The following IMPG1 variants were observed in gnomAD, a reference collection of about 807,000 sequenced individuals.
The protein encoded by IMPG1 is interphotoreceptor matrix proteoglycan 1, also known as interphotoreceptor matrix proteoglycan of 150 kDa.
In IMPG1, 85 loss-of-function variants were observed where a neutral mutation model predicts 92.0. That is an observed-to-expected ratio of 0.92 (90% CI 0.78 to 1.11). The LOEUF (loss-of-function observed/expected upper bound fraction) is 1.11, where lower values mean the gene tolerates loss of function less well. Among genes scored for constraint, IMPG1 ranks in the 50% least tolerant of loss-of-function variants. The pLI is 0.00. For synonymous variants in IMPG1, 367 were observed against 334.1 expected, an observed-to-expected ratio of 1.10 and a Z score of -1.08; for missense variants, 1,022 against 956.0, an observed-to-expected ratio of 1.07 and a Z score of -0.91.
chr6:75,995,885 G>T (rs1163403181), intron 12 of IMPG1, among the ~76,000 whole-genome samples: 1 of 152,220 alleles, frequency 6.6e-6, no homozygotes, highest in Non-Finnish European at 1.5e-5. Context: ...TTGTTTCGGG[G>T]TCTGTTTTGG....
At chr6:76,043,219 C>T (rs944466347) in intron 1 of IMPG1, among the ~76,000 whole-genome samples, 2 of 151,764 alleles carry the variant, frequency 1.3e-5, no homozygotes, top group African/African-American at 2.4e-5. Flanking sequence ...AAAAAATTAC[C>T]GATGAACAGT....
intron 14 of IMPG1, among the ~76,000 whole-genome samples, chr6:75,940,852 C>G (rs573740416): frequency 6.6e-6 from 1 of 152,276 alleles, no homozygotes; most frequent in African/African-American, 2.4e-5. Flanking sequence ...GCATTTTCCT[C>G]TTGCATCTTC....
chr6:75,973,401 C>CTCAT (rs1366897333), intron 12 of IMPG1, among the ~76,000 whole-genome samples: 2 of 152,142 alleles, frequency 1.3e-5, no homozygotes, highest in Non-Finnish European at 2.9e-5. Flanking sequence ...TTTTACTTTG[C>CTCAT]TCATTCATTC....
intron 1 of IMPG1, among the ~76,000 whole-genome samples, chr6:76,067,253 T>A (rs1177626191): frequency 6.6e-6 from 1 of 151,012 alleles, no homozygotes; most frequent in Non-Finnish European, 1.5e-5. Flanking sequence ...TGAAAAGTTG[T>A]TTCTTCAAAA....
intron 12 of IMPG1, among the ~76,000 whole-genome samples, chr6:75,957,217 C>T (rs12197591): frequency 0.19 from 28,921 of 152,002 alleles, 2,881 homozygotes; most frequent in Admixed American, 0.24. Flanking sequence ...TGTGCCCAGC[C>T]GTTGAGTGAG....
chr6:75,923,561 GAC>G, intron 16 of IMPG1, 71 bp downstream of exon 16: 1 of 735,994 alleles, frequency 1.4e-6, no homozygotes, highest in East Asian at 2.6e-5. Flanking sequence ...AAATAAGAGG[GAC>G]ATAAATGTTT....
intron 12 of IMPG1, among the ~76,000 whole-genome samples, chr6:75,971,721 T>A (rs1782420918): frequency 1.3e-5 from 2 of 152,202 alleles, no homozygotes; most frequent in African/African-American, 4.8e-5. Context: ...GCTAACTGAT[T>A]CATAGGGACC....
chr6:75,925,152 G>A (rs1210749774), intron 15 of IMPG1, among the ~76,000 whole-genome samples: 1 of 152,002 alleles, frequency 6.6e-6, no homozygotes, highest in Non-Finnish European at 1.5e-5. Flanking sequence ...TGTTTGAGAT[G>A]ATGGGAATGC....
intron 12 of IMPG1, among the ~76,000 whole-genome samples, chr6:75,962,682 A>C (rs2149462306): frequency 6.6e-6 from 1 of 152,336 alleles, no homozygotes; most frequent in East Asian, 1.9e-4. Context: ...GAGGTGGTAT[A>C]TTACAATTGC....
At chr6:75,943,345 T>A (rs968667631) in intron 14 of IMPG1, among the ~76,000 whole-genome samples, 1 of 152,192 alleles carries the variant, frequency 6.6e-6, no homozygotes, top group Non-Finnish European at 1.5e-5. Context: ...CCTCATGATA[T>A]GAGTAGATTA....
At chr6:75,982,588 T>C (rs1405082441) in intron 12 of IMPG1, among the ~76,000 whole-genome samples, 4 of 148,988 alleles carry the variant, frequency 2.7e-5, no homozygotes, top group Middle Eastern at 3.3e-3. Context: ...TATATATAGA[T>C]ATATATATGT....
chr6:75,985,283 G>T (rs1015330452), intron 12 of IMPG1, among the ~76,000 whole-genome samples: 1 of 152,168 alleles, frequency 6.6e-6, no homozygotes, highest in African/African-American at 2.4e-5. Flanking sequence ...CCACCAAAAA[G>T]GGACTTTAAA....
Position 76,072,629 on chromosome 6 carries a change from G to T in IMPG1, c.-141C>A. On this transcript the variant is annotated 5_prime_UTR_variant, in exon 1 of 17. Transcript: ENST00000369950. ...AACCTTCTTGGTTTACCTTTATGAGGGTGTTAATTTATGAAGAACATGTAG... is the reference window on the plus strand; with the variant it reads ...AACCTTCTTGGTTTACCTTTATGAGTGTGTTAATTTATGAAGAACATGTAG... 1 of 546,306 alleles carries T rather than the reference G, an allele frequency of 1.8e-6. No homozygotes were observed. 33.8% of individuals were successfully genotyped at this position (546,306 alleles called of 1,614,324 possible).
In IMPG1 at chr6:76,013,315, G is replaced by A. The variant is rs554467505; in HGVS notation, c.808-2091C>T. ...ACTTCCTGCCATCATTATCCCCTTG[G>A]CCAATATCTTGTCCTTTACTGACAC... On this transcript the variant is annotated intron_variant, in intron 7 of 16. Coordinates refer to ENST00000369950, the MANE Select transcript of IMPG1 (RefSeq NM_001563.4). Among the ~76,000 whole-genome samples the A allele has an allele frequency of 2.1e-4, 32 of 151,986 alleles. 1 individual carries two copies. The South Asian group carries it at 5.2e-3, about 25-fold the overall frequency.
intron 1 of IMPG1, among the ~76,000 whole-genome samples, chr6:76,055,324 G>T (rs986007867): frequency 6.6e-6 from 1 of 151,868 alleles, no homozygotes; most frequent in South Asian, 2.1e-4. Context: ...TGTCAAAGAA[G>T]AAATAATTAT....
At chr6:76,042,552 C>G (rs968530070) in intron 1 of IMPG1, among the ~76,000 whole-genome samples, 1 of 152,086 alleles carries the variant, frequency 6.6e-6, no homozygotes, top group African/African-American at 2.4e-5. Flanking sequence ...AAAAACCTAG[C>G]GGAACAATGC....
At chr6:76,067,426 T>A (rs957007702) in intron 1 of IMPG1, among the ~76,000 whole-genome samples, 2 of 151,960 alleles carry the variant, frequency 1.3e-5, no homozygotes, top group Admixed American at 1.3e-4. Context: ...CTCACAAACT[T>A]GAAAACCGAG....
intron 1 of IMPG1, among the ~76,000 whole-genome samples, chr6:76,059,956 T>G (rs1285306113): frequency 6.6e-6 from 1 of 152,216 alleles, no homozygotes. Context: ...AGCAGGAAGC[T>G]TAAGACAGAC....
At chr6:76,022,083 T>A (rs762484131) in intron 6 of IMPG1, 33 bp downstream of exon 6, 2 of 1,207,294 alleles carry the variant, frequency 1.7e-6, no homozygotes, top group South Asian at 1.2e-5. Flanking sequence ...AACAGGCACA[T>A]GAAGAGCTAG....
Sources: allele counts gnomAD v4.1 joint callset (sites outside exome capture counted in the v4.1 genomes callset), GRCh38; gene constraint gnomAD v4.1.1; transcripts MANE v1.5; gene names NCBI Gene and HGNC (gene_info 2026-07-23, HGNC 2026-07-21).